ZNF860: variants seen among roughly 807,000 people sequenced by gnomAD.
ZNF860 encodes the protein zinc finger protein 860.
For synonymous variants in ZNF860, 206 were observed against 248.9 expected (o/e 0.83, Z 1.62); for missense variants, 641 against 759.2 (o/e 0.84, Z 1.83).
chr3:31,988,984 A>G lies in ZNF860; in HGVS notation c.-96A>G. 2.6e-6 allele frequency: 4 copies of G among 1,513,238 alleles called. No individual in the cohort carries two copies. Among genetic ancestry groups the G allele is most frequent in the African/African-American group, 1.4e-5 (1 of 71,828 alleles). 93.7% of individuals were successfully genotyped at this position (1,513,238 alleles called of 1,614,324 possible). ...GTTGCCTTAAGCCACGAAGTTTGTGATAATTTGTTTCTCGGAAACAGATAA... is the reference window on the plus strand; with the variant it reads ...GTTGCCTTAAGCCACGAAGTTTGTGGTAATTTGTTTCTCGGAAACAGATAA... On this transcript the variant is annotated 5_prime_UTR_variant, in exon 2 of 2. Coordinates refer to ENST00000360311, the MANE Select transcript of ZNF860 (RefSeq NM_001137674.3).
rs777218742 is a variant in ZNF860 at position 31,989,754 on chromosome 3, A to T, written c.675A>T (p.Ile225=). Reference sequence around the variant, plus strand: ...TCACACTAAAACAGGAAGTACACATAAGAGAAAAATCTTTCCAATGTAATG... The same window carrying T: ...TCACACTAAAACAGGAAGTACACATTAGAGAAAAATCTTTCCAATGTAATG... The part of the protein sequence containing the change: ...SLLTLKQEVH[I]REKSFQCNES... Residue 225 remains isoleucine (I), a synonymous_variant, in exon 2 of 2, where the codon ATA becomes ATT. Coordinates refer to ENST00000360311, the MANE Select transcript of ZNF860 (RefSeq NM_001137674.3). 1 of 1,614,076 alleles carries T rather than the reference A, an allele frequency of 6.2e-7. No individual in the cohort carries two copies. The highest frequency in any genetic ancestry group is 1.3e-5 in the African/African-American group (1 of 74,946).
At chr3:31,995,770 C>T (rs961397105), downstream of ZNF860, among the ~76,000 whole-genome samples, 1 of 152,178 alleles carries the variant, frequency 6.6e-6, no homozygotes, top group African/African-American at 2.4e-5. Flanking sequence ...AGGCTCCAGC[C>T]GGTCCCTCCA....
At chr3:31,984,433 G>T (rs1698905253) in intron 1 of ZNF860, among the ~76,000 whole-genome samples, 1 of 151,886 alleles carries the variant, frequency 6.6e-6, no homozygotes, top group African/African-American at 2.4e-5. Context: ...AAATTATAGA[G>T]AGTCGAAGTT....
Position 31,989,641 on chromosome 3 carries a change from T to C in ZNF860, c.562T>C (p.Ser188Pro), listed in dbSNP as rs1340565411. ...TGAGAAGTCTATCAACGATGCTTCCTCAGTTCTAACGTCCCAAAGAATTTC... is the reference window on the plus strand; with the variant it reads ...TGAGAAGTCTATCAACGATGCTTCCCCAGTTCTAACGTCCCAAAGAATTTC... ...QVEKSINDAS[S>P]VLTSQRISSR... The change falls in exon 2 of 2, where the codon TCA becomes CCA. Residue 188 changes from serine (S) to proline (P), a missense_variant. Transcript: ENST00000360311. The C allele has an allele frequency of 6.2e-7, 1 of 1,614,090 alleles. No individual in the cohort carries two copies. The highest frequency in any genetic ancestry group is 8.5e-7 in the Non-Finnish European group (1 of 1,180,034).
At position 31,991,515 on chromosome 3, in the gene ZNF860, A is replaced by G. The variant is rs1323662254; in HGVS notation, c.*537A>G. 6.0e-6 allele frequency: 1 copy of G among 166,786 alleles called. No individual in the cohort carries two copies. Among genetic ancestry groups the G allele is most frequent in the Non-Finnish European group, 1.5e-5 (1 of 68,152 alleles). 10.3% of individuals were successfully genotyped at this position (166,786 alleles called of 1,614,324 possible). Reference sequence around the variant, plus strand: ...TTTCTTACTGTAAGTTCTCTAGCAAATGGAAGTGTTTTCTTAATTTTCTTT... The same window carrying G: ...TTTCTTACTGTAAGTTCTCTAGCAAGTGGAAGTGTTTTCTTAATTTTCTTT... On this transcript the variant is annotated 3_prime_UTR_variant, in exon 2 of 2. Coordinates refer to ENST00000360311, the MANE Select transcript of ZNF860 (RefSeq NM_001137674.3).
intron 1 of ZNF860, among the ~76,000 whole-genome samples, chr3:31,984,716 G>C (rs575839191): frequency 6.6e-6 from 1 of 152,270 alleles, no homozygotes; most frequent in Admixed American, 6.5e-5. Context: ...CCTTTCATTA[G>C]TTTTACAAAG....
the ZNF860 span, among the ~76,000 whole-genome samples, chr3:31,997,996 T>A: frequency 6.6e-6 from 1 of 152,024 alleles, no homozygotes; most frequent in Admixed American, 6.6e-5. Flanking sequence ...TCCCACTCTG[T>A]TGCCCAGACT....
downstream of ZNF860, among the ~76,000 whole-genome samples, chr3:31,992,618 A>G: frequency 6.6e-6 from 1 of 152,130 alleles, no homozygotes; most frequent in East Asian, 1.9e-4. Flanking sequence ...TGCATTTTTC[A>G]TAAGGACCCT....
downstream of ZNF860, among the ~76,000 whole-genome samples, chr3:31,993,369 C>T (rs111811146): frequency 8.7e-3 from 1,324 of 151,796 alleles, 26 homozygotes; most frequent in African/African-American, 0.03. Flanking sequence ...CCACCATGCC[C>T]GGCTAATTTT....
At chr3:31,985,868 T>C (rs1698926635) in intron 1 of ZNF860, among the ~76,000 whole-genome samples, 1 of 152,136 alleles carries the variant, frequency 6.6e-6, no homozygotes, top group Non-Finnish European at 1.5e-5. Context: ...AACAACCACA[T>C]GAGGAGATCT....
At chr3:31,992,256 C>G (rs6781919), downstream of ZNF860, among the ~76,000 whole-genome samples, 52,764 of 151,990 alleles carry the variant, frequency 0.35, 12,814 homozygotes, top group African/African-American at 0.69. Context: ...AATATAGTCA[C>G]TTGATTTTGA....
chr3:31,982,650 T>TAAAAAAAAA (rs34935064), intron 1 of ZNF860, among the ~76,000 whole-genome samples: 2 of 146,956 alleles, frequency 1.4e-5, no homozygotes, highest in African/African-American at 5.0e-5. Flanking sequence ...TACATAGTGT[T>TAAAAAAAAA]AAAAAAAAAA....
downstream of ZNF860, among the ~76,000 whole-genome samples, chr3:31,994,998 G>T (rs1364417069): frequency 6.6e-6 from 1 of 152,142 alleles, no homozygotes; most frequent in Non-Finnish European, 1.5e-5. Context: ...TTTTATTCAG[G>T]ATTTCAAAAG....
At chr3:31,984,014 G>A (rs1698898582) in intron 1 of ZNF860, among the ~76,000 whole-genome samples, 1 of 150,152 alleles carries the variant, frequency 6.7e-6, no homozygotes, top group African/African-American at 2.4e-5. Context: ...AAAATTCAGA[G>A]CCTAAGGGGT....
intron 1 of ZNF860, among the ~76,000 whole-genome samples, chr3:31,982,994 A>G (rs906567686): frequency 1.3e-5 from 2 of 152,184 alleles, no homozygotes; most frequent in African/African-American, 4.8e-5. Context: ...TCTTTTCCTT[A>G]TCCCAGGAGA....
chr3:31,998,038 C>T, the ZNF860 span, among the ~76,000 whole-genome samples: 1 of 152,094 alleles, frequency 6.6e-6, no homozygotes, highest in East Asian at 1.9e-4. Context: ...AGCAGTCCTC[C>T]CGCCTCGGCC....
At chr3:31,996,738 A>G in the ZNF860 span, among the ~76,000 whole-genome samples, 1 of 152,218 alleles carries the variant, frequency 6.6e-6, no homozygotes, top group African/African-American at 2.4e-5. Flanking sequence ...AAAGAAAGCA[A>G]AAGCCGAAAA....
the ZNF860 span, among the ~76,000 whole-genome samples, chr3:32,001,392 C>T: frequency 1.3e-4 from 20 of 152,238 alleles, no homozygotes; most frequent in African/African-American, 3.6e-4. Flanking sequence ...ATAGGTATTA[C>T]TTGAGGGTCT....
In ZNF860 at chr3:31,989,987, G is replaced by A. The variant is rs1022279712; in HGVS notation, c.908G>A (p.Ser303Asn). 1.2e-6 allele frequency: 2 copies of A among 1,614,136 alleles called. No individual in the cohort carries two copies. Among genetic ancestry groups the A allele is most frequent in the Non-Finnish European group, 1.7e-6 (2 of 1,180,008 alleles). ...KVFNQQSNLA[S>N]HHRLHTGEKP... Reference sequence around the variant, plus strand: ...TTTAATCAACAATCAAACCTTGCAAGTCATCATAGACTTCATACTGGAGAG... The same window carrying A: ...TTTAATCAACAATCAAACCTTGCAAATCATCATAGACTTCATACTGGAGAG... The change falls in exon 2 of 2, where the codon AGT becomes AAT. Residue 303 changes from serine to asparagine, a missense_variant. Ser to Asn is a conservative substitution (Grantham distance 46). Coordinates refer to ENST00000360311, the MANE Select transcript of ZNF860 (RefSeq NM_001137674.3).
Sources: allele counts gnomAD v4.1 joint callset (sites outside exome capture counted in the v4.1 genomes callset), GRCh38; gene constraint gnomAD v4.1.1; transcripts MANE v1.5; gene names NCBI Gene and HGNC (gene_info 2026-07-23, HGNC 2026-07-21).